FGF14: variants seen among roughly 807,000 people sequenced by gnomAD.
FGF14 encodes fibroblast growth factor homologous factor 4.
Under a neutral mutation model 25.5 loss-of-function variants are expected in FGF14, and 5 were observed. The ratio of observed to expected loss-of-function variants is 0.20; its 90% CI spans 0.10 to 0.41. The LOEUF is 0.41. Ranked by LOEUF, FGF14 falls within the 10% of genes least tolerant of loss-of-function variation. The probability of loss-of-function intolerance (pLI) is 1.00; values close to 1 mark genes in which losing one functional copy is unlikely to be tolerated. For missense variants in FGF14, 222 were observed against 320.1 expected (o/e 0.69, Z 2.34); for synonymous variants, 138 against 118.3 (o/e 1.17, Z -1.08).
intron 1 of FGF14, among the ~76,000 whole-genome samples, chr13:102,236,965 C>T (rs1170892722): frequency 2.6e-5 from 4 of 151,998 alleles, no homozygotes; most frequent in East Asian, 1.9e-4. Context: ...GAGTTGGTTG[C>T]GCAGGACTGC....
At chr13:102,161,453 C>T (rs1414165003) in intron 1 of FGF14, among the ~76,000 whole-genome samples, 2 of 151,884 alleles carry the variant, frequency 1.3e-5, no homozygotes, top group Non-Finnish European at 2.9e-5. Context: ...TATTTCTTTC[C>T]AGAGAGCAAA....
At chr13:102,152,587 C>T (rs1441229714) in intron 1 of FGF14, among the ~76,000 whole-genome samples, 2 of 152,130 alleles carry the variant, frequency 1.3e-5, no homozygotes, top group Non-Finnish European at 2.9e-5. Context: ...GTGAGGACTT[C>T]AACCTATGAA....
rs566612358 is a variant in FGF14 at position 102,084,244 on chromosome 13, T to C, written c.209-208948A>G. Among the ~76,000 whole-genome samples the C allele has an allele frequency of 3.7e-4, 56 of 152,296 alleles. No individual in the cohort carries two copies. In the East Asian group the frequency reaches 0.01, roughly 28 times the overall value. ...CTAACTCTGTTTCTTTATTTTTCTTTTGCACTCATGATTTTTTAACATACT... is the reference window on the plus strand; with the variant it reads ...CTAACTCTGTTTCTTTATTTTTCTTCTGCACTCATGATTTTTTAACATACT... On this transcript the variant is annotated intron_variant, in intron 1 of 4. Transcript: ENST00000376131.
At chr13:102,106,638 G>GAAAGA (rs375613056) in intron 1 of FGF14, among the ~76,000 whole-genome samples, 61 of 151,266 alleles carry the variant, frequency 4.0e-4, no homozygotes, top group African/African-American at 1.3e-3. Context: ...GAGAGAGAAA[G>GAAAGA]AAAGAAAAGA....
chr13:102,398,710 G>T (rs2058635525), intron 1 of FGF14, among the ~76,000 whole-genome samples: 1 of 151,794 alleles, frequency 6.6e-6, no homozygotes, highest in Non-Finnish European at 1.5e-5. Flanking sequence ...TCAAAAACCT[G>T]CAAAAGATTT....
intron 1 of FGF14, among the ~76,000 whole-genome samples, chr13:102,012,895 A>C (rs1357550805): frequency 1.3e-5 from 2 of 152,196 alleles, no homozygotes; most frequent in African/African-American, 4.8e-5. Flanking sequence ...TTATTCTCAT[A>C]AAGTGATGCC....
At chr13:101,836,807 G>A (rs2042947511) in intron 3 of FGF14, among the ~76,000 whole-genome samples, 3 of 152,140 alleles carry the variant, frequency 2.0e-5, no homozygotes, top group South Asian at 4.1e-4. Flanking sequence ...AGAGCTGGCA[G>A]AAGAGAAATC....
chr13:101,750,289 T>C (rs1156324195), intron 3 of FGF14, among the ~76,000 whole-genome samples: 2 of 152,118 alleles, frequency 1.3e-5, no homozygotes, highest in Non-Finnish European at 2.9e-5. Context: ...TATCCCAGCA[T>C]ATAACTGCCA....
At chr13:101,753,589 G>A (rs1182048187) in intron 3 of FGF14, among the ~76,000 whole-genome samples, 2 of 152,120 alleles carry the variant, frequency 1.3e-5, no homozygotes, top group Non-Finnish European at 2.9e-5. Context: ...CGCATCACCT[G>A]AGGTCAGGAA....
intron 1 of FGF14, among the ~76,000 whole-genome samples, chr13:102,273,838 C>G (rs1375232778): frequency 1.3e-5 from 2 of 151,266 alleles, no homozygotes; most frequent in African/African-American, 4.9e-5. Context: ...ACTTAAAAGG[C>G]TGAGGTGGGA....
chr13:101,966,581 C>T (rs1253423475), intron 1 of FGF14, among the ~76,000 whole-genome samples: 1 of 152,130 alleles, frequency 6.6e-6, no homozygotes, highest in East Asian at 1.9e-4. Context: ...CTCCCAGGTT[C>T]AAGCAATTCT....
At chr13:102,115,241 C>T (rs908762544) in intron 1 of FGF14, among the ~76,000 whole-genome samples, 5 of 152,186 alleles carry the variant, frequency 3.3e-5, no homozygotes, top group South Asian at 2.1e-4. Context: ...CACAGAAGCA[C>T]AGCTGTCCCC....
At chr13:101,972,669 C>CT (rs1003810584) in intron 1 of FGF14, among the ~76,000 whole-genome samples, 4 of 135,712 alleles carry the variant, frequency 2.9e-5, no homozygotes, top group East Asian at 2.5e-4. Flanking sequence ...TGTATTTTGT[C>CT]TTTTTTTTTC....
chr13:102,363,127 TGAAA>T (rs1163493329), intron 1 of FGF14, among the ~76,000 whole-genome samples: 2 of 152,180 alleles, frequency 1.3e-5, no homozygotes, highest in East Asian at 3.8e-4. Flanking sequence ...TATACACATC[TGAAA>T]GAAAAATGTT....
intron 1 of FGF14, among the ~76,000 whole-genome samples, chr13:102,213,569 G>T (rs1293683678): frequency 4.6e-5 from 7 of 152,118 alleles, no homozygotes; most frequent in African/African-American, 1.7e-4. Flanking sequence ...AAAGTTCTTT[G>T]GAAACCTTGA....
chr13:101,788,366 T>C (rs556000359), intron 3 of FGF14, among the ~76,000 whole-genome samples: 1 of 152,280 alleles, frequency 6.6e-6, no homozygotes, highest in South Asian at 2.1e-4. Flanking sequence ...AATTAAATGA[T>C]AATGAGGACT....
chr13:101,915,800 C>T (rs571087081), intron 1 of FGF14, among the ~76,000 whole-genome samples: 20 of 152,322 alleles, frequency 1.3e-4, no homozygotes, highest in Admixed American at 1.0e-3. Flanking sequence ...CGGATTCTTT[C>T]TTTAGACTCC....
At chr13:101,846,797 C>T (rs764452329) in intron 3 of FGF14, among the ~76,000 whole-genome samples, 14 of 151,776 alleles carry the variant, frequency 9.2e-5, no homozygotes, top group Admixed American at 2.0e-4. Context: ...AAAGTGTATG[C>T]GAAATTGAGT....
intron 1 of FGF14, among the ~76,000 whole-genome samples, chr13:102,103,990 G>T (rs1041824495): frequency 1.3e-5 from 2 of 152,122 alleles, no homozygotes; most frequent in African/African-American, 4.8e-5. Flanking sequence ...TGTTTTTGCT[G>T]TTTGCCATCC....
Sources: allele counts gnomAD v4.1 joint callset (sites outside exome capture counted in the v4.1 genomes callset), GRCh38; gene constraint gnomAD v4.1.1; transcripts MANE v1.5; gene names NCBI Gene and HGNC (gene_info 2026-07-23, HGNC 2026-07-21).